Variants in PGM2L1 observed in about 807,000 individuals in gnomAD.
PGM2L1 encodes the protein phosphoglucomutase 2 like 1, also known as glucose 1,6-bisphosphate synthase.
PGM2L1 carries 35 observed loss-of-function variants against 73.4 expected under a neutral mutation model. That is an observed-to-expected ratio of 0.48 (90% CI 0.36 to 0.63). PGM2L1 has a LOEUF of 0.63. Ranked by LOEUF, PGM2L1 falls within the 30% of genes least tolerant of loss-of-function variation. The pLI is 0.00. For missense variants in PGM2L1, 570 were observed against 742.0 expected (o/e 0.77, Z 2.69); for synonymous variants, 225 against 253.8 (o/e 0.89, Z 1.08).
intron 1 of PGM2L1, among the ~76,000 whole-genome samples, chr11:74,391,439 A>C (rs1249949054): frequency 1.3e-5 from 2 of 151,836 alleles, no homozygotes; most frequent in Non-Finnish European, 1.5e-5. Context: ...CTCCACATCA[A>C]CTTCCTCATA....
chr11:74,371,508 A>C (rs927241840), intron 3 of PGM2L1, among the ~76,000 whole-genome samples: 1 of 152,224 alleles, frequency 6.6e-6, no homozygotes, highest in Non-Finnish European at 1.5e-5. Context: ...TAAATATTTT[A>C]AATTTTTACT....
intron 3 of PGM2L1, 50 bp downstream of exon 3, chr11:74,371,661 A>G: frequency 6.6e-7 from 1 of 1,508,726 alleles, no homozygotes; most frequent in African/African-American, 1.4e-5. Flanking sequence ...AATGTTTTAA[A>G]TATGTTTTAT....
chr11:74,381,123 G>C (rs1246262044), intron 1 of PGM2L1, among the ~76,000 whole-genome samples: 1 of 152,102 alleles, frequency 6.6e-6, no homozygotes, highest in Admixed American at 6.6e-5. Context: ...TAAGTTCAAG[G>C]GTTCCAGTAG....
chr11:74,398,181 G>A lies in PGM2L1; in HGVS notation c.-20C>T, dbSNP rs1201571369. ...AGCCATGGCGACCAGACAGGCGTACGGGCCGGGGGCCGGCGAAGACACTGA... is the reference window on the plus strand; with the variant it reads ...AGCCATGGCGACCAGACAGGCGTACAGGCCGGGGGCCGGCGAAGACACTGA... On this transcript the variant is annotated 5_prime_UTR_variant, in exon 1 of 14. Transcript: ENST00000298198. 5 of 1,597,496 alleles carry A rather than the reference G, an allele frequency of 3.1e-6. No individual in the cohort carries two copies. In the East Asian group the frequency reaches 6.8e-5, roughly 22 times the overall value.
chr11:74,339,298 T>G (rs1363294213), intron 12 of PGM2L1, among the ~76,000 whole-genome samples: 1 of 152,174 alleles, frequency 6.6e-6, no homozygotes, highest in Non-Finnish European at 1.5e-5. Context: ...TTTATAAAAA[T>G]TAAAAAAAGA....
At chr11:74,351,597 A>G in intron 5 of PGM2L1, 21 bp from the exon 6 acceptor site, 3 of 1,539,150 alleles carry the variant, frequency 1.9e-6, no homozygotes, top group Non-Finnish European at 2.6e-6. Context: ...AGTAAATATA[A>G]CCATAATTAC....
chr11:74,338,258 G>T (rs1390497161), intron 13 of PGM2L1, among the ~76,000 whole-genome samples: 1 of 152,146 alleles, frequency 6.6e-6, no homozygotes, highest in African/African-American at 2.4e-5. Context: ...GCTGAGGGCC[G>T]TAAAGGAGGG....
chr11:74,390,213 C>T (rs1001884212), intron 1 of PGM2L1, among the ~76,000 whole-genome samples: 4 of 142,900 alleles, frequency 2.8e-5, no homozygotes, highest in African/African-American at 1.0e-4. Flanking sequence ...AAATAACAAA[C>T]AGAAGTGCTA....
chr11:74,359,314 G>T (rs918347021), intron 5 of PGM2L1, among the ~76,000 whole-genome samples: 1 of 150,216 alleles, frequency 6.7e-6, no homozygotes, highest in African/African-American at 2.5e-5. Flanking sequence ...GTTTCACTCT[G>T]TAGCCCAGGC....
Position 74,342,583 on chromosome 11 carries a change from A to T in PGM2L1, c.1510T>A (p.Phe504Ile). ...CYEPPTIKSI[F>I]ERLRNFDSPK... ...GAATCAAAATTACGAAGCCTTTCAA[A>T]TATACTTTTGATGGTAGGTGGTTCA... The change falls in exon 12 of 14, where the codon TTT (phenylalanine) becomes ATT (isoleucine). Residue 504 changes from phenylalanine (F) to isoleucine (I), a missense_variant. By Grantham distance (21) the Phe-to-Ile change is conservative. Coordinates refer to ENST00000298198, the MANE Select transcript of PGM2L1 (RefSeq NM_173582.6). The T allele has an allele frequency of 6.2e-7, 1 of 1,606,680 alleles. No individual in the cohort carries two copies. The highest frequency in any genetic ancestry group is 8.5e-7 in the Non-Finnish European group (1 of 1,175,556).
chr11:74,383,513 G>A (rs1440409470), intron 1 of PGM2L1, among the ~76,000 whole-genome samples: 1 of 151,886 alleles, frequency 6.6e-6, no homozygotes, highest in Non-Finnish European at 1.5e-5. Flanking sequence ...GTAAATGTGT[G>A]CCATGGTGGT....
chr11:74,387,520 T>C (rs1333072842), intron 1 of PGM2L1, among the ~76,000 whole-genome samples: 1 of 152,214 alleles, frequency 6.6e-6, no homozygotes, highest in Non-Finnish European at 1.5e-5. Flanking sequence ...ACATACGCTA[T>C]ACTTAAGAAA....
chr11:74,337,902 T>C (rs1314986303), intron 13 of PGM2L1, among the ~76,000 whole-genome samples: 1 of 152,164 alleles, frequency 6.6e-6, no homozygotes, highest in Non-Finnish European at 1.5e-5. Flanking sequence ...CTCCTAGGTA[T>C]ATACCTAAGA....
rs183102573 is a variant in PGM2L1 at position 74,378,853 on chromosome 11, C to T, written c.112-4271G>A. Among the ~76,000 whole-genome samples, 490 of 152,290 alleles carry T rather than the reference C, an allele frequency of 3.2e-3. 3 individuals carry two copies. The Middle Eastern group carries it at 0.034, about 11-fold the overall frequency. ...TTACACACCAGACCAAAATTCACAT[C>T]AACTCTGCCTGCTGACCAATGAAAG... On this transcript the variant is annotated intron_variant, in intron 1 of 13. Transcript: ENST00000298198.
Position 74,333,530 on chromosome 11 carries a change from C to A in PGM2L1, c.*3122G>T, listed in dbSNP as rs1365017718. On this transcript the variant is annotated 3_prime_UTR_variant, in exon 14 of 14. Transcript: ENST00000298198. ...TGCTCTACCTCTTCCTGAGTTCTCACATGATTCTGATACAACATCCTAGCA... is the reference window on the plus strand; with the variant it reads ...TGCTCTACCTCTTCCTGAGTTCTCAAATGATTCTGATACAACATCCTAGCA... 1 of 152,168 alleles carries A rather than the reference C, an allele frequency of 6.6e-6. No individual in the cohort carries two copies. The highest frequency in any genetic ancestry group is 1.5e-5 in the Non-Finnish European group (1 of 68,030). 9.4% of individuals were successfully genotyped at this position (152,168 alleles called of 1,614,324 possible).
At chr11:74,359,813 T>C (rs568983291) in intron 5 of PGM2L1, among the ~76,000 whole-genome samples, 1 of 152,298 alleles carries the variant, frequency 6.6e-6, no homozygotes, top group South Asian at 2.1e-4. Context: ...TCTGAGAAAC[T>C]GTACTAGGGG....
intron 4 of PGM2L1, among the ~76,000 whole-genome samples, chr11:74,369,567 A>C (rs939117023): frequency 3.3e-5 from 5 of 152,184 alleles, no homozygotes; most frequent in African/African-American, 1.2e-4. Context: ...CTTCATATTA[A>C]AGGAACTCCC....
At position 74,370,945 on chromosome 11, in the gene PGM2L1, A is replaced by G; in HGVS notation, c.428T>C (p.Val143Ala). 1 of 1,613,510 alleles carries G rather than the reference A, an allele frequency of 6.2e-7. No individual in the cohort carries two copies. Among genetic ancestry groups the G allele is most frequent in the Non-Finnish European group, 8.5e-7 (1 of 1,179,582 alleles). ...LTAAVLLAKD[V>A]PVYLFSRYVP... ...ATATCTTGAAAAAAGGTACACAGGA[A>G]CATCTTTGGCCAGCAAGACTGCAGC... The change falls in exon 4 of 14, where the codon GTT (valine) becomes GCT (alanine). Residue 143 changes from valine (V) to alanine (A), a missense_variant. By Grantham distance (64) the Val-to-Ala change is moderately conservative. Transcript: ENST00000298198.
Position 74,354,445 on chromosome 11 carries a change from G to A in PGM2L1, c.556-2869C>T, listed in dbSNP as rs1862410788. On this transcript the variant is annotated intron_variant, in intron 5 of 13. Transcript: ENST00000298198. ...AAAGTCTCCTTCCCCCTGCTGTCAT[G>A]TCTAAGTCAGAGTCTCCTAAAGAGC... is the stretch of plus-strand genomic sequence containing the variant. The A allele has an allele frequency of 4.0e-6, 3 of 746,700 alleles. No individual in the cohort carries two copies. The Admixed American group carries it at 6.4e-5, about 16-fold the overall frequency. 46.3% of individuals were successfully genotyped at this position (746,700 alleles called of 1,614,324 possible). A position where few individuals can be genotyped will look rare whatever the true frequency, so the allele number is the denominator to read the frequency against.
Sources: allele counts gnomAD v4.1 joint callset (sites outside exome capture counted in the v4.1 genomes callset), GRCh38; gene constraint gnomAD v4.1.1; transcripts MANE v1.5; gene names NCBI Gene and HGNC (gene_info 2026-07-23, HGNC 2026-07-21).